Variants in CPA6 observed in about 807,000 individuals in gnomAD.
CPA6 encodes the protein carboxypeptidase B.
Under a neutral mutation model 63.3 loss-of-function variants are expected in CPA6, and 58 were observed. The observed-to-expected ratio is 0.92, with a 90% CI of 0.74 to 1.14. The LOEUF (loss-of-function observed/expected upper bound fraction) is 1.14, where lower values mean the gene tolerates loss of function less well. Ranked by LOEUF, CPA6 falls within the 50% of genes most tolerant of loss-of-function variation. CPA6 has a pLI of 0.00. For synonymous variants in CPA6, 185 were observed against 179.0 expected (o/e 1.03, Z -0.27); for missense variants, 565 against 526.6 (o/e 1.07, Z -0.71).
intron 2 of CPA6, among the ~76,000 whole-genome samples, chr8:67,570,704 A>G (rs891369123): frequency 2.6e-5 from 4 of 152,200 alleles, no homozygotes; most frequent in Non-Finnish European, 5.9e-5. Context: ...AGAAAAAACA[A>G]AATTTAAAAA....
At chr8:67,582,802 G>C (rs1813811322) in intron 2 of CPA6, among the ~76,000 whole-genome samples, 1 of 152,100 alleles carries the variant, frequency 6.6e-6, no homozygotes, top group African/African-American at 2.4e-5. Context: ...TTTATTAAGT[G>C]TCCTTTTGGT....
chr8:67,566,870 C>T (rs1813350090), intron 2 of CPA6, among the ~76,000 whole-genome samples: 1 of 152,068 alleles, frequency 6.6e-6, no homozygotes, highest in Non-Finnish European at 1.5e-5. Flanking sequence ...AATGATATGC[C>T]CAGGAATGGT....
chr8:67,451,144 G>T (rs7841236), intron 8 of CPA6, among the ~76,000 whole-genome samples: 37,693 of 151,938 alleles, frequency 0.25, 5,378 homozygotes, highest in African/African-American at 0.39. Context: ...TAGACCAGGG[G>T]TCCCTAACCC....
At chr8:67,678,721 A>C (rs1396066693) in intron 1 of CPA6, among the ~76,000 whole-genome samples, 1 of 152,230 alleles carries the variant, frequency 6.6e-6, no homozygotes, top group East Asian at 1.9e-4. Context: ...CACCTCGTAG[A>C]GCTACCCGAT....
Position 67,564,542 on chromosome 8 carries a change from T to A in CPA6, c.193-46495A>T, listed in dbSNP as rs142223157. 6.7e-4 allele frequency among the ~76,000 whole-genome samples: 102 copies of A among 152,062 alleles called. 1 individual carries two copies. The highest frequency in any genetic ancestry group is 2.4e-3 in the African/African-American group (99 of 41,488). On this transcript the variant is annotated intron_variant, in intron 2 of 10. Transcript: ENST00000297770. ...AAAACTGAATTCTTATACAAGTGAG[T>A]TCTCAAGGTCATAGGAAGAGCAGTA...
intron 1 of CPA6, among the ~76,000 whole-genome samples, chr8:67,653,492 C>T (rs1255022532): frequency 4.6e-5 from 7 of 151,304 alleles, no homozygotes; most frequent in East Asian, 1.9e-4. Context: ...GTATTTTATT[C>T]TCTTTGAAGC....
chr8:67,491,415 T>C (rs919970307), intron 6 of CPA6, among the ~76,000 whole-genome samples: 2 of 152,148 alleles, frequency 1.3e-5, no homozygotes, highest in Admixed American at 6.5e-5. Context: ...GTTATTTTTA[T>C]ACTTAGTTAT....
chr8:67,660,106 A>G (rs551537022), intron 1 of CPA6, among the ~76,000 whole-genome samples: 1 of 152,234 alleles, frequency 6.6e-6, no homozygotes, highest in Admixed American at 6.5e-5. Context: ...GTCTGATTTT[A>G]TTATGTAAGG....
intron 8 of CPA6, among the ~76,000 whole-genome samples, chr8:67,455,663 C>CAAAAAAAGA (rs1810656425): frequency 3.3e-5 from 1 of 30,250 alleles, no homozygotes; most frequent in Non-Finnish European, 5.2e-5. Flanking sequence ...TCTACAAAAG[C>CAAAAAAAGA]AAAAAAAAAA....
intron 1 of CPA6, among the ~76,000 whole-genome samples, chr8:67,668,011 G>A (rs1459548782): frequency 1.3e-5 from 2 of 152,200 alleles, no homozygotes. Flanking sequence ...TTTGACTTGG[G>A]CTGGTGCTGG....
At chr8:67,580,158 ATCCCC>A (rs906568727) in intron 2 of CPA6, among the ~76,000 whole-genome samples, 2 of 152,176 alleles carry the variant, frequency 1.3e-5, no homozygotes, top group Non-Finnish European at 2.9e-5. Context: ...AAAAACAGAG[ATCCCC>A]TCCCACCATA....
At chr8:67,467,973 G>A (rs1421373507) in intron 8 of CPA6, among the ~76,000 whole-genome samples, 12 of 150,390 alleles carry the variant, frequency 8.0e-5, no homozygotes, top group East Asian at 3.9e-4. Context: ...CAGGAGAATC[G>A]CTTGAACCCG....
At chr8:67,463,438 A>ACT (rs1265478042) in intron 8 of CPA6, among the ~76,000 whole-genome samples, 21 of 149,988 alleles carry the variant, frequency 1.4e-4, no homozygotes, top group Middle Eastern at 3.4e-3. Context: ...ACTGAAACTC[A>ACT]CTCTCTCTCT....
chr8:67,729,369 C>T (rs1291473797), intron 1 of CPA6, among the ~76,000 whole-genome samples: 1 of 152,052 alleles, frequency 6.6e-6, no homozygotes, highest in Non-Finnish European at 1.5e-5. Context: ...TAAATTGAGC[C>T]ATTTGATATT....
At chr8:67,572,669 G>C (rs75869064) in intron 2 of CPA6, among the ~76,000 whole-genome samples, 4,699 of 152,236 alleles carry the variant, frequency 0.031, 103 homozygotes, top group Non-Finnish European at 0.044. Context: ...GAAAAATCAA[G>C]AACCTGAAGT....
rs560239422 is a variant in CPA6 at position 67,717,020 on chromosome 8, GA to G, written c.116+28993del. On this transcript the variant is annotated intron_variant, in intron 1 of 10. Transcript: ENST00000297770. ...GATACTGCAGCCCTTGTTGAGGGAA[GA>G]AAAAAATAAAAACAATAACAGAATT... Among the ~76,000 whole-genome samples, 16 of 152,174 alleles carry G rather than the reference GA, an allele frequency of 1.1e-4. No individual in the cohort carries two copies. The South Asian group carries it at 3.3e-3, about 32-fold the overall frequency.
chr8:67,598,697 G>T (rs1299522480), intron 2 of CPA6, among the ~76,000 whole-genome samples: 2 of 151,854 alleles, frequency 1.3e-5, no homozygotes, highest in Non-Finnish European at 2.9e-5. Flanking sequence ...TTGATGTTTG[G>T]GATTCTTGAA....
At chr8:67,689,335 A>G (rs1816771525) in intron 1 of CPA6, among the ~76,000 whole-genome samples, 2 of 152,136 alleles carry the variant, frequency 1.3e-5, no homozygotes, top group African/African-American at 4.8e-5. Context: ...TTACATGGGT[A>G]TATTGTGTGA....
Position 67,503,592 on chromosome 8 carries a change from G to A in CPA6, c.636+3195C>T, listed in dbSNP as rs1036769754. On this transcript the variant is annotated intron_variant, in intron 6 of 10. Transcript: ENST00000297770. ...CGAAGTGCTGGGATTACAGGTGTGAGCCACCATGCCCAGCTTGATTTTCTT... is the reference window on the plus strand; with the variant it reads ...CGAAGTGCTGGGATTACAGGTGTGAACCACCATGCCCAGCTTGATTTTCTT... Among the ~76,000 whole-genome samples, 5 of 151,560 alleles carry A rather than the reference G, an allele frequency of 3.3e-5. No individual in the cohort carries two copies. In the East Asian group the frequency reaches 9.6e-4, roughly 29 times the overall value.
Sources: allele counts gnomAD v4.1 joint callset (sites outside exome capture counted in the v4.1 genomes callset), GRCh38; gene constraint gnomAD v4.1.1; transcripts MANE v1.5; gene names NCBI Gene and HGNC (gene_info 2026-07-23, HGNC 2026-07-21).